The following NDST3 variants were observed in gnomAD, a reference collection of about 807,000 sequenced individuals.
The protein encoded by NDST3 is N-deacetylase and N-sulfotransferase 3, also known as bifunctional heparan sulfate N-deacetylase/N-sulfotransferase 3.
NDST3 carries 58 observed loss-of-function variants against 96.1 expected under a neutral mutation model. That is an observed-to-expected ratio of 0.60 (90% CI 0.49 to 0.75). NDST3 has a LOEUF of 0.75. Ranked by LOEUF, NDST3 falls within the 30% of genes least tolerant of loss-of-function variation. The pLI is 0.00. For synonymous variants in NDST3, 333 were observed against 359.7 expected (o/e 0.93, Z 0.84); for missense variants, 788 against 1,034.2 (o/e 0.76, Z 3.27).
chr4:118,144,764 G>A (rs1014927747), intron 6 of NDST3, among the ~76,000 whole-genome samples: 1 of 151,768 alleles, frequency 6.6e-6, no homozygotes. Flanking sequence ...AAAATTATCA[G>A]TGAAAAAAGT....
intron 2 of NDST3, among the ~76,000 whole-genome samples, chr4:118,058,477 G>A (rs550993374): frequency 2.7e-5 from 4 of 149,562 alleles, no homozygotes; most frequent in South Asian, 2.1e-4. Flanking sequence ...TGTTTGTCTA[G>A]GAATATGCAA....
At chr4:118,062,264 T>C (rs915084583) in intron 2 of NDST3, among the ~76,000 whole-genome samples, 1 of 152,184 alleles carries the variant, frequency 6.6e-6, no homozygotes, top group African/African-American at 2.4e-5. Flanking sequence ...CCTTAAAAGA[T>C]AGTTTGGTTG....
At chr4:118,096,112 G>A (rs554399137) in intron 2 of NDST3, among the ~76,000 whole-genome samples, 7 of 151,934 alleles carry the variant, frequency 4.6e-5, no homozygotes, top group African/African-American at 9.6e-5. Context: ...AGATCATATG[G>A]TAATTCTATG....
chr4:118,124,928 C>G (rs1393171897), intron 4 of NDST3, among the ~76,000 whole-genome samples: 1 of 152,094 alleles, frequency 6.6e-6, no homozygotes, highest in Non-Finnish European at 1.5e-5. Context: ...TCTCCTTCCT[C>G]AGGTTTCTGG....
intron 12 of NDST3, among the ~76,000 whole-genome samples, chr4:118,252,275 G>A (rs938819997): frequency 1.3e-5 from 2 of 152,102 alleles, no homozygotes; most frequent in African/African-American, 4.8e-5. Flanking sequence ...TTGGAGACCA[G>A]TAAAAAAGAA....
chr4:118,053,948 G>C lies in NDST3; in HGVS notation c.38G>C (p.Arg13Thr). 1 of 1,610,814 alleles carries C rather than the reference G, an allele frequency of 6.2e-7. No homozygotes were observed. The highest frequency in any genetic ancestry group is 8.5e-7 in the Non-Finnish European group (1 of 1,178,278). Residue 13 changes from arginine (R) to threonine (T), a missense_variant, in exon 2 of 14, where the codon AGA becomes ACA. Arg to Thr is a moderately conservative substitution (Grantham distance 71). This residue lies in a region of NDST3 where 234 missense variants were observed against 256.9 expected (regional missense o/e 0.91). Coordinates refer to ENST00000296499, the MANE Select transcript of NDST3 (RefSeq NM_004784.3). ...ATGAAGCTTCACAGACACTTTCAAAGAACAGTCATTCTGCTTGCCACTTTT... is the reference window on the plus strand; with the variant it reads ...ATGAAGCTTCACAGACACTTTCAAACAACAGTCATTCTGCTTGCCACTTTT... ...FIMKLHRHFQRTVILLATFCM... is the reference protein window; with the variant it reads ...FIMKLHRHFQTTVILLATFCM...
At chr4:118,144,583 A>T (rs1168835134) in intron 6 of NDST3, among the ~76,000 whole-genome samples, 1 of 152,184 alleles carries the variant, frequency 6.6e-6, no homozygotes, top group South Asian at 2.1e-4. Flanking sequence ...TAGAGAAAGA[A>T]CAAATGGAAG....
chr4:118,092,834 G>C (rs1488527852), intron 2 of NDST3, among the ~76,000 whole-genome samples: 1 of 151,782 alleles, frequency 6.6e-6, no homozygotes, highest in Non-Finnish European at 1.5e-5. Flanking sequence ...ATCAGACACT[G>C]GCAGGTGTTG....
intron 6 of NDST3, 53 bp from the exon 7 acceptor site, chr4:118,224,438 C>G: frequency 6.7e-7 from 1 of 1,501,456 alleles, no homozygotes. Context: ...TTATACTGCC[C>G]TCTAGTGTCA....
chr4:118,204,995 T>C lies in NDST3; in HGVS notation c.1540-19496T>C, dbSNP rs1279903931. On this transcript the variant is annotated intron_variant, in intron 6 of 13. Transcript: ENST00000296499. Reference sequence around the variant, plus strand: ...AAGTAATTGGCTTATTATATTAAAGTTGCTTTTTACTTCATTTTATGTTAA... The same window carrying C: ...AAGTAATTGGCTTATTATATTAAAGCTGCTTTTTACTTCATTTTATGTTAA... Among the ~76,000 whole-genome samples, 2 of 144,794 alleles carry C rather than the reference T, an allele frequency of 1.4e-5. 1 individual carries two copies. The highest frequency in any genetic ancestry group is 1.4e-4 in the Admixed American group (2 of 14,656). 95.0% of individuals were successfully genotyped at this position (144,794 alleles called of 152,430 possible).
chr4:118,141,303 A>G (rs1215830491), intron 5 of NDST3, among the ~76,000 whole-genome samples: 1 of 152,202 alleles, frequency 6.6e-6, no homozygotes, highest in African/African-American at 2.4e-5. Context: ...TTTCCGTAGC[A>G]TAAGAAAGCT....
At chr4:118,061,212 G>A (rs768897230) in intron 2 of NDST3, among the ~76,000 whole-genome samples, 1 of 152,110 alleles carries the variant, frequency 6.6e-6, no homozygotes, top group Non-Finnish European at 1.5e-5. Flanking sequence ...TGCACTTGCT[G>A]TTCTTTCTCC....
chr4:118,049,523 T>C (rs1044751448), intron 1 of NDST3, among the ~76,000 whole-genome samples: 3 of 150,930 alleles, frequency 2.0e-5, no homozygotes, highest in Non-Finnish European at 3.0e-5. Context: ...AAAAGAACAA[T>C]CAAAAATGAC....
At chr4:118,127,940 T>C (rs1033683417) in intron 4 of NDST3, among the ~76,000 whole-genome samples, 2 of 152,188 alleles carry the variant, frequency 1.3e-5, no homozygotes, top group African/African-American at 4.8e-5. Context: ...TTAATTTTAT[T>C]TGTGGCTACT....
chr4:118,058,446 A>G (rs908627360), intron 2 of NDST3, among the ~76,000 whole-genome samples: 1 of 145,984 alleles, frequency 6.9e-6, no homozygotes. Context: ...AAAAAAAAAA[A>G]CAGACCTAAG....
At chr4:118,081,504 T>G (rs555621173) in intron 2 of NDST3, among the ~76,000 whole-genome samples, 1 of 152,264 alleles carries the variant, frequency 6.6e-6, no homozygotes, top group African/African-American at 2.4e-5. Flanking sequence ...ATTTACTTCT[T>G]TCTTAATGAA....
chr4:118,194,758 G>A (rs914130484), intron 6 of NDST3: 20 of 457,422 alleles, frequency 4.4e-5, no homozygotes, highest in East Asian at 3.9e-4. Context: ...TCATCTCCAC[G>A]CAGCGCACCC....
chr4:118,106,395 G>C (rs1167854467), intron 3 of NDST3, among the ~76,000 whole-genome samples: 2 of 151,878 alleles, frequency 1.3e-5, no homozygotes, highest in African/African-American at 4.8e-5. Context: ...GCCCAGGATA[G>C]AGTGCAGTGG....
chr4:118,074,863 A>G (rs1727380403), intron 2 of NDST3, among the ~76,000 whole-genome samples: 1 of 152,100 alleles, frequency 6.6e-6, no homozygotes, highest in Admixed American at 6.6e-5. Context: ...GTGGCCAGCA[A>G]AAGACTTTCA....
Sources: gnomAD v4.1 joint callset for allele counts (sites outside exome capture counted in the v4.1 genomes callset) on GRCh38, gnomAD v4.1.1 for gene constraint, gnomAD v4.1.1 regional missense constraint, MANE v1.5 for transcripts, NCBI Gene and HGNC (gene_info 2026-07-23, HGNC 2026-07-21) for gene names.